EPOR: variants seen among roughly 807,000 people sequenced by gnomAD.
The protein encoded by EPOR is erythropoietin receptor.
In EPOR, 20 loss-of-function variants were observed where a neutral mutation model predicts 34.3. The observed-to-expected ratio is 0.58, with a 90% CI of 0.41 to 0.85. The LOEUF is 0.85. Among genes scored for constraint, EPOR ranks in the 40% least tolerant of loss-of-function variants. The pLI is 0.00. For synonymous variants in EPOR, 312 were observed against 299.0 expected, an observed-to-expected ratio of 1.04 and a Z score of -0.45; for missense variants, 601 against 672.7, an observed-to-expected ratio of 0.89 and a Z score of 1.18.
rs1026273619 is a variant in EPOR, at chr19:11,381,439, G to C, written c.586-230C>G. Reference sequence around the variant, plus strand: ...CAATTTAATATCTGGGCTAGCACTCGTAGAGGGACCCGGGCGCTAAAGGGG... The same window carrying C: ...CAATTTAATATCTGGGCTAGCACTCCTAGAGGGACCCGGGCGCTAAAGGGG... On this transcript the variant is annotated intron_variant, in intron 4 of 7. Coordinates refer to ENST00000222139, the MANE Select transcript of EPOR (RefSeq NM_000121.4). The surrounding 1 kb of genome is among the most constrained non-coding windows in gnomAD (Gnocchi z 5.3). 2.2e-5 allele frequency: 15 copies of C among 667,502 alleles called. No homozygotes were observed. The African/African-American group carries it at 2.5e-4, about 11-fold the overall frequency. The allele number at this position is 667,502 out of a possible 1,614,324, so 41.3% of individuals were successfully genotyped here. A position where few individuals can be genotyped will look rare whatever the true frequency, so the allele number is the denominator to read the frequency against.
Position 11,378,686 on chromosome 19 carries a change from C to G in EPOR, c.915+5G>C. On this transcript the variant is annotated splice_donor_5th_base_variant and intron_variant, in intron 7 of 7. Coordinates refer to ENST00000222139, the MANE Select transcript of EPOR (RefSeq NM_000121.4). This position sits in a 1 kb window ranked among gnomAD's most constrained non-coding sequence, Gnocchi z 5.3. Reference sequence around the variant, plus strand: ...AGGCACTGAGGGGACAACCAGGCCACCTACCTGGAAGTTACCCTTGTGGGT... The same window carrying G: ...AGGCACTGAGGGGACAACCAGGCCAGCTACCTGGAAGTTACCCTTGTGGGT... 2 of 1,614,202 alleles carry G rather than the reference C, an allele frequency of 1.2e-6. No homozygotes were observed. The highest frequency in any genetic ancestry group is 1.7e-6 in the Non-Finnish European group (2 of 1,180,006).
In EPOR at chr19:11,377,884, T is replaced by G. The variant is rs1386601166; in HGVS notation, c.*100A>C. On this transcript the variant is annotated 3_prime_UTR_variant, in exon 8 of 8. Coordinates refer to ENST00000222139, the MANE Select transcript of EPOR (RefSeq NM_000121.4). ...GGGCAGACAAAATCAGCAATGCCCC[T>G]GCTCCTGAGAGAGGCCTCGCCATCC... 2 of 1,470,954 alleles carry G rather than the reference T, an allele frequency of 1.4e-6. No individual in the cohort carries two copies. Among genetic ancestry groups the G allele is most frequent in the South Asian group, 1.1e-5 (1 of 87,962 alleles). 91.1% of individuals were successfully genotyped at this position (1,470,954 alleles called of 1,614,324 possible). A position where few individuals can be genotyped will look rare whatever the true frequency, so the allele number is the denominator to read the frequency against.
chr19:11,378,613 A>G lies in EPOR; in HGVS notation c.916-18T>C. On this transcript the variant is annotated intron_variant, in intron 7 of 7. Transcript: ENST00000222139. The surrounding 1 kb of genome is among the most constrained non-coding windows in gnomAD (Gnocchi z 5.3). Reference sequence around the variant, plus strand: ...AGCCACAGCTGAAGAAATAGCACCAACCTGCTCAGAGAGGCCTGCAGTTTG... The same window carrying G: ...AGCCACAGCTGAAGAAATAGCACCAGCCTGCTCAGAGAGGCCTGCAGTTTG... 6.2e-7 allele frequency: 1 copy of G among 1,614,160 alleles called. No homozygotes were observed. The highest frequency in any genetic ancestry group is 8.5e-7 in the Non-Finnish European group (1 of 1,180,010).
rs763619208 is a variant in EPOR at position 11,378,491 on chromosome 19, C to T, written c.1020G>A (p.Gly340=). The T allele has an allele frequency of 2.7e-5, 43 of 1,614,118 alleles. No homozygotes were observed. Among genetic ancestry groups the T allele is most frequent in the Middle Eastern group, 3.3e-4 (2 of 6,084 alleles). The change falls in exon 8 of 8, where the codon GGG becomes GGA. Residue 340 remains glycine (G), a synonymous_variant. Transcript: ENST00000222139. This position sits in a 1 kb window ranked among gnomAD's most constrained non-coding sequence, Gnocchi z 5.3. ...TCCCCGGCTCCACTGCCTGCATCGT[C>T]CCCCAGCAGCGCTCTGAGAGGACTT... ...SLEVLSERCW[G]TMQAVEPGTD... is the part of the protein sequence containing the mutation.
At position 11,381,664 on chromosome 19, in the gene EPOR, G is replaced by C. The variant is rs202198017; in HGVS notation, c.585+28C>G. 6.3e-6 allele frequency: 10 copies of C among 1,582,296 alleles called. No homozygotes were observed. Among genetic ancestry groups the C allele is most frequent in the Non-Finnish European group, 8.6e-6 (10 of 1,164,140 alleles). Reference sequence around the variant, plus strand: ...CTGGGCCGTAGTCAGTGGAGCTTTGGGGGCTGGGCCGTAGGGGCTGGCCTC... The same window carrying C: ...CTGGGCCGTAGTCAGTGGAGCTTTGCGGGCTGGGCCGTAGGGGCTGGCCTC... On this transcript the variant is annotated intron_variant, in intron 4 of 7. Coordinates refer to ENST00000222139, the MANE Select transcript of EPOR (RefSeq NM_000121.4). The surrounding 1 kb of genome is among the most constrained non-coding windows in gnomAD (Gnocchi z 5.3).
At position 11,384,259 on chromosome 19, in the gene EPOR, C is replaced by T. The variant is rs934683441; in HGVS notation, c.-52G>A. The T allele has an allele frequency of 1.2e-5, 15 of 1,245,066 alleles. No individual in the cohort carries two copies. The highest frequency in any genetic ancestry group is 1.6e-5 in the Non-Finnish European group (14 of 880,682). 77.1% of individuals were successfully genotyped at this position (1,245,066 alleles called of 1,614,324 possible). On this transcript the variant is annotated 5_prime_UTR_variant, in exon 1 of 8. Transcript: ENST00000222139. ...AGGGCTCCTGCCCCTCCGTCCCCCG[C>T]CCCCGGCACAGTCCACAGCTGGGTC...
At chr19:11,382,700 C>T (rs1968379378) in intron 2 of EPOR, 5 of 647,252 alleles carry the variant, frequency 7.7e-6, no homozygotes, top group South Asian at 3.8e-5. Context: ...CGCTGTGTTG[C>T]CCAGGCTGGT....
rs765796604 is a variant in EPOR, at chr19:11,382,063, C to T, written c.294G>A (p.Thr98=). The T allele has an allele frequency of 3.7e-6, 6 of 1,614,106 alleles. No homozygotes were observed. In the Admixed American group the frequency reaches 1.0e-4, roughly 27 times the overall value. ...WKLCRLHQAP[T]ARGAVRFWCS... is the part of the protein sequence containing the mutation. ...ACCAGAAGCGCACCGCACCACGAGC[C>T]GTGGGAGCCTGGTGCAGGCGACACA... The change falls in exon 3 of 8, where the codon ACG becomes ACA. Residue 98 remains threonine (T), a synonymous_variant. Coordinates refer to ENST00000222139, the MANE Select transcript of EPOR (RefSeq NM_000121.4).
rs780617943 is a variant in EPOR, at chr19:11,383,133, A to G, written c.215T>C (p.Val72Ala). The G allele has an allele frequency of 9.9e-6, 16 of 1,612,594 alleles. No homozygotes were observed. Among genetic ancestry groups the G allele is most frequent in the Admixed American group, 1.7e-5 (1 of 59,922 alleles). ...CFWEEAASAGVGPGNYSFSYQ... is the reference protein window; with the variant it reads ...CFWEEAASAGAGPGNYSFSYQ... ...GGAGAAGCTGTAGTTGCCCGGGCCC[A>G]CCCCAGCGCTCGCCGCTTCCTCCCA... The change falls in exon 2 of 8, where the codon GTG (valine) becomes GCG (alanine). Residue 72 changes from valine (V) to alanine (A), a missense_variant. By Grantham distance (64) the Val-to-Ala change is moderately conservative. Transcript: ENST00000222139. This position sits in a 1 kb window ranked among gnomAD's most constrained non-coding sequence, Gnocchi z 4.9.
At position 11,378,658 on chromosome 19, in the gene EPOR, C is replaced by G. The variant is rs1223416365; in HGVS notation, c.915+33G>C. 5.0e-6 allele frequency: 8 copies of G among 1,613,992 alleles called. No individual in the cohort carries two copies. The South Asian group carries it at 5.5e-5, about 11-fold the overall frequency. On this transcript the variant is annotated intron_variant, in intron 7 of 7. Coordinates refer to ENST00000222139, the MANE Select transcript of EPOR (RefSeq NM_000121.4). This position sits in a 1 kb window ranked among gnomAD's most constrained non-coding sequence, Gnocchi z 5.3. ...AGTTTGGCTGCAAGAAGCAGGGAAG[C>G]CCAGGCACTGAGGGGACAACCAGGC... is the stretch of plus-strand genomic sequence containing the variant.
At position 11,378,147 on chromosome 19, in the gene EPOR, A is replaced by G. The variant is rs1368251390; in HGVS notation, c.1364T>C (p.Leu455Pro). The G allele has an allele frequency of 6.2e-7, 1 of 1,614,108 alleles. No homozygotes were observed. The highest frequency in any genetic ancestry group is 1.1e-5 in the South Asian group (1 of 91,086). ...LPPTPPHLKY[L>P]YLVVSDSGIS... ...GCCAGAGTCAGATACCACAAGGTAC[A>G]GGTACTTTAGGTGGGGTGGGGTAGG... The change falls in exon 8 of 8, where the codon CTG becomes CCG. Residue 455 changes from leucine to proline, a missense_variant. Leu to Pro is a moderately conservative substitution (Grantham distance 98). Coordinates refer to ENST00000222139, the MANE Select transcript of EPOR (RefSeq NM_000121.4). The surrounding 1 kb of genome is among the most constrained non-coding windows in gnomAD (Gnocchi z 5.3).
In EPOR at chr19:11,383,419, T is replaced by C; in HGVS notation, c.116-187A>G. 1.7e-6 allele frequency: 1 copy of C among 592,788 alleles called. No homozygotes were observed. The highest frequency in any genetic ancestry group is 2.9e-6 in the Non-Finnish European group (1 of 345,418). The allele number at this position is 592,788 out of a possible 1,614,324, so 36.7% of individuals were successfully genotyped here. On this transcript the variant is annotated intron_variant, in intron 1 of 7. Transcript: ENST00000222139. The surrounding 1 kb of genome is among the most constrained non-coding windows in gnomAD (Gnocchi z 4.9). ...GCCCCCCTAATTCCCAGGGGCAAGT[T>C]TCTCGCCTTACTGTCCCCCGCCGTC... is the stretch of plus-strand genomic sequence containing the variant.
rs1968384979 is a variant in EPOR at position 11,383,023 on chromosome 19, AGGC to A, written c.251+71_251+73del. 5 of 1,608,304 alleles carry A rather than the reference AGGC, an allele frequency of 3.1e-6. No homozygotes were observed. In the African/African-American group the frequency reaches 4.0e-5, roughly 13 times the overall value. On this transcript the variant is annotated intron_variant, in intron 2 of 7. Transcript: ENST00000222139. The surrounding 1 kb of genome is among the most constrained non-coding windows in gnomAD (Gnocchi z 4.9). ...GGCCTCAAACAGCAGGGGACATACG[AGGC>A]TACGACCTCCAGGGAGCTCTGCCCC...
Position 11,377,297 on chromosome 19 carries a change from TAA to T in EPOR, c.*685_*686del, listed in dbSNP as rs1968293155. The T allele has an allele frequency of 2.2e-6, 1 of 453,946 alleles. No individual in the cohort carries two copies. Among genetic ancestry groups the T allele is most frequent in the Non-Finnish European group, 4.4e-6 (1 of 226,794 alleles). The allele number at this position is 453,946 out of a possible 1,614,324, so 28.1% of individuals were successfully genotyped here. ...GCCCTTCCTGGGTGTACAGCTAAAC[TAA>T]GTTTCCTGGCCTTTCATGTGACTGG... On this transcript the variant is annotated 3_prime_UTR_variant, in exon 8 of 8. Transcript: ENST00000222139.
chr19:11,379,069 T>C (rs1968321818), intron 6 of EPOR, among the ~76,000 whole-genome samples: 1 of 152,146 alleles, frequency 6.6e-6, no homozygotes, highest in Non-Finnish European at 1.5e-5. Flanking sequence ...ACCAGCACTA[T>C]AATCCCAGTA....
chr19:11,380,815 G>C, intron 6 of EPOR, 69 bp downstream of exon 6: 1 of 1,285,002 alleles, frequency 7.8e-7, no homozygotes, highest in South Asian at 1.3e-5. Context: ...TCTGAGCCTA[G>C]GTTTCCATAG....
intron 6 of EPOR, among the ~76,000 whole-genome samples, chr19:11,379,293 A>C (rs955781699): frequency 1.3e-5 from 2 of 152,182 alleles, no homozygotes; most frequent in Non-Finnish European, 2.9e-5. Flanking sequence ...ATTTAGGATA[A>C]AATCCAAGCC....
At chr19:11,379,366 G>A (rs952315115) in intron 6 of EPOR, among the ~76,000 whole-genome samples, 3 of 151,602 alleles carry the variant, frequency 2.0e-5, no homozygotes, top group Admixed American at 1.3e-4. Flanking sequence ...CAGATCACCT[G>A]AGGTCAGGAG....
Position 11,381,807 on chromosome 19 carries a change from T to C in EPOR, c.470A>G (p.Asp157Gly). 1.2e-6 allele frequency: 2 copies of C among 1,613,836 alleles called. No individual in the cohort carries two copies. The highest frequency in any genetic ancestry group is 8.5e-7 in the Non-Finnish European group (1 of 1,179,860). Reference protein sequence around the residue: ...APVGLVARLADESGHVVLRWL... With the variant: ...APVGLVARLAGESGHVVLRWL... ...GCGCAACACTACGTGGCCGCTCTCG[T>C]CAGCCAACCGCGCCACCAGCCCCAC... Residue 157 changes from aspartate (D) to glycine (G), a missense_variant, in exon 4 of 8, where the codon GAC becomes GGC. By Grantham distance (94) the Asp-to-Gly change is moderately conservative (BLOSUM62 -1). Coordinates refer to ENST00000222139, the MANE Select transcript of EPOR (RefSeq NM_000121.4). The surrounding 1 kb of genome is among the most constrained non-coding windows in gnomAD (Gnocchi z 5.3).
Sources: allele counts gnomAD v4.1 joint callset (sites outside exome capture counted in the v4.1 genomes callset), GRCh38; gene constraint gnomAD v4.1.1; non-coding constraint Gnocchi (gnomAD v3.1); transcripts MANE v1.5; gene names NCBI Gene and HGNC (gene_info 2026-07-23, HGNC 2026-07-21).